VWA2: variants seen among roughly 807,000 people sequenced by gnomAD.
The protein encoded by VWA2 is von Willebrand factor A domain containing 2, also known as von Willebrand factor A domain-containing protein 2.
Under a neutral mutation model 70.4 loss-of-function variants are expected in VWA2, and 73 were observed. The observed-to-expected ratio is 1.04, with a 90% CI of 0.86 to 1.26. The LOEUF is 1.26. VWA2 is among the 50% of genes most tolerant of loss of function. The pLI, the probability that VWA2 is intolerant of heterozygous loss-of-function variation, is 0.00. For missense variants in VWA2, 1,011 were observed against 998.5 expected, an observed-to-expected ratio of 1.01 and a Z score of -0.17; for synonymous variants, 407 against 423.3, an observed-to-expected ratio of 0.96 and a Z score of 0.47.
chr10:114,254,647 C>T (rs2037281363), intron 3 of VWA2, among the ~76,000 whole-genome samples: 1 of 152,198 alleles, frequency 6.6e-6, no homozygotes, highest in African/African-American at 2.4e-5. Flanking sequence ...GCCCAGTAGA[C>T]CCCCTCATAG....
chr10:114,278,132 C>T, intron 7 of VWA2, 85 bp downstream of exon 7: 1 of 1,524,350 alleles, frequency 6.6e-7, no homozygotes, highest in Non-Finnish European at 8.8e-7. Context: ...GACCCAGGAG[C>T]CTCCCAAGGA....
chr10:114,248,758 T>C lies in VWA2; in HGVS notation c.45T>C (p.Phe15=). ...TGGAAGCCGTCTGTGTTTTCCTGTT[T>C]TCCAGAGGTAAGATGTGTTTATTGG... ...LLLEAVCVFL[F]SRVPPSLPLQ... The change falls in exon 2 of 14, where the codon TTT becomes TTC. Residue 15 remains phenylalanine (F), a synonymous_variant. Coordinates refer to ENST00000392982, the MANE Select transcript of VWA2 (RefSeq NM_001272046.2). The C allele has an allele frequency of 5.0e-6, 8 of 1,613,730 alleles. No individual in the cohort carries two copies. Among genetic ancestry groups the C allele is most frequent in the Non-Finnish European group, 6.8e-6 (8 of 1,179,638 alleles).
In VWA2 at chr10:114,278,774, G is replaced by A. The variant is rs902059449; in HGVS notation, c.756G>A (p.Glu252=). 1.9e-6 allele frequency: 3 copies of A among 1,613,922 alleles called. No individual in the cohort carries two copies. Among genetic ancestry groups the A allele is most frequent in the Admixed American group, 1.7e-5 (1 of 60,032 alleles). The change falls in exon 8 of 14, where the codon GAG becomes GAA. Residue 252 remains glutamate, a synonymous_variant. Transcript: ENST00000392982. The part of the protein sequence containing the change: ...CEHRTLEMVR[E]FAGNAPCWRG... ...ACAGGACGCTGGAGATGGTCCGGGA[G>A]TTCGCTGGCAATGCCCCATGCTGGA...
chr10:114,275,874 G>A (rs1412284273), intron 6 of VWA2, among the ~76,000 whole-genome samples: 1 of 152,210 alleles, frequency 6.6e-6, no homozygotes, highest in Non-Finnish European at 1.5e-5. Flanking sequence ...GTTACAGTGA[G>A]CCGAGATTAC....
intron 1 of VWA2, chr10:114,246,805 G>A: frequency 9.7e-7 from 1 of 1,030,042 alleles, no homozygotes; most frequent in Non-Finnish European, 1.5e-6. Context: ...ACCATTGACT[G>A]CTGCCCTCAA....
chr10:114,291,243 A>T lies in VWA2; in HGVS notation c.*6A>T, dbSNP rs1370105381. ...GATTCTTGAGACGCCCCTGAGGCAC[A>T]TGGCTCCCGTGCAGGAGGGCAGCAG... On this transcript the variant is annotated 3_prime_UTR_variant, in exon 14 of 14. Transcript: ENST00000392982. 6.5e-7 allele frequency: 1 copy of T among 1,550,214 alleles called. No individual in the cohort carries two copies.
rs1383496319 is a variant in VWA2, at chr10:114,291,910, G to A, written c.*673G>A. ...ATGGGGGAGGGGCTGAGTGTGCAAT[G>A]GGCCCAGGTCTGGAGGGGCCACGTA... On this transcript the variant is annotated 3_prime_UTR_variant, in exon 14 of 14. Transcript: ENST00000392982. Among the ~76,000 whole-genome samples the A allele has an allele frequency of 6.6e-6, 1 of 152,174 alleles. No homozygotes were observed. Among genetic ancestry groups the A allele is most frequent in the African/African-American group, 2.4e-5 (1 of 41,428 alleles).
At chr10:114,269,510 G>A (rs573677700) in intron 5 of VWA2, among the ~76,000 whole-genome samples, 32 of 152,300 alleles carry the variant, frequency 2.1e-4, no homozygotes, top group Admixed American at 3.3e-4. Flanking sequence ...AAGCCCAGGT[G>A]GTGGAGGTTG....
intron 7 of VWA2, among the ~76,000 whole-genome samples, chr10:114,278,269 C>T (rs970264890): frequency 6.6e-6 from 1 of 152,110 alleles, no homozygotes; most frequent in Admixed American, 6.5e-5. Flanking sequence ...GTAGAGGGGC[C>T]CAGGGTTTGA....
intron 4 of VWA2, among the ~76,000 whole-genome samples, chr10:114,260,889 A>T (rs528094910): frequency 2.9e-4 from 44 of 152,302 alleles, no homozygotes; most frequent in South Asian, 1.0e-3. Context: ...AGCCCTAAAG[A>T]TGCACAAGCT....
chr10:114,268,792 T>G (rs988316364), intron 5 of VWA2, among the ~76,000 whole-genome samples: 16 of 151,990 alleles, frequency 1.1e-4, no homozygotes, highest in African/African-American at 3.4e-4. Context: ...CCTCCCAGGT[T>G]CACGCCATTC....
rs764526217 is a variant in VWA2 at position 114,288,964 on chromosome 10, G to C, written c.1597G>C (p.Val533Leu). Residue 533 changes from valine (V) to leucine (L), a missense_variant, in exon 12 of 14, where the codon GTC becomes CTC. By Grantham distance (32) the Val-to-Leu change is conservative (BLOSUM62 1). Transcript: ENST00000392982. ...GTGCCGGACACAAGCCCTGGACCTC[G>C]TCTTCATGTTGGACACCTCTGCCTC... Reference protein sequence around the residue: ...PGCRTQALDLVFMLDTSASVG... With the variant: ...PGCRTQALDLLFMLDTSASVG... The C allele has an allele frequency of 1.9e-6, 3 of 1,612,510 alleles. No individual in the cohort carries two copies. The highest frequency in any genetic ancestry group is 4.5e-5 in the East Asian group (2 of 44,830).
intron 2 of VWA2, among the ~76,000 whole-genome samples, chr10:114,250,870 G>A (rs11196674): frequency 0.061 from 9,339 of 152,242 alleles, 327 homozygotes; most frequent in Non-Finnish European, 0.079. Flanking sequence ...GCCTTCTGTG[G>A]CCCTGTCCAG....
intron 8 of VWA2, chr10:114,280,971 G>A (rs1564731545): frequency 6.6e-6 from 1 of 152,132 alleles, no homozygotes; most frequent in African/African-American, 2.4e-5. Flanking sequence ...AAACTCCTGA[G>A]CTCAATTCCT....
chr10:114,248,127 C>T (rs2037113216), intron 1 of VWA2, among the ~76,000 whole-genome samples: 1 of 151,680 alleles, frequency 6.6e-6, no homozygotes, highest in East Asian at 1.9e-4. Context: ...AAAAAAAGTC[C>T]TCTTCCTTCA....
intron 1 of VWA2, among the ~76,000 whole-genome samples, chr10:114,240,258 A>T (rs1375656478): frequency 6.6e-6 from 1 of 152,202 alleles, no homozygotes. Flanking sequence ...AATAAGGCTA[A>T]CAAAACTTTC....
rs1440394062 is a variant in VWA2, at chr10:114,293,998, T to C, written c.*2761T>C. ...AATTCCTAGATGAACTAAGAGTGTT[T>C]ATTACATGTTGAGATTTATGGTATG... On this transcript the variant is annotated 3_prime_UTR_variant, in exon 14 of 14. Transcript: ENST00000392982. Among the ~76,000 whole-genome samples the C allele has an allele frequency of 2.0e-5, 3 of 152,222 alleles. No individual in the cohort carries two copies. Among genetic ancestry groups the C allele is most frequent in the African/African-American group, 7.2e-5 (3 of 41,478 alleles).
At chr10:114,290,692 G>T (rs1564750365) in intron 13 of VWA2, among the ~76,000 whole-genome samples, 1 of 151,368 alleles carries the variant, frequency 6.6e-6, no homozygotes, top group East Asian at 1.9e-4. Context: ...ACAACTAGGA[G>T]GGAGGCCACA....
At chr10:114,285,598 T>C (rs2038765351) in intron 10 of VWA2, among the ~76,000 whole-genome samples, 1 of 152,232 alleles carries the variant, frequency 6.6e-6, no homozygotes, top group African/African-American at 2.4e-5. Context: ...GGCAAAGCAG[T>C]GAAGCCTGTA....
Sources: gnomAD v4.1 joint callset for allele counts (sites outside exome capture counted in the v4.1 genomes callset) on GRCh38, gnomAD v4.1.1 for gene constraint, MANE v1.5 for transcripts, NCBI Gene and HGNC (gene_info 2026-07-23, HGNC 2026-07-21) for gene names.